Variants in CAMTA1 observed in about 807,000 individuals in gnomAD.
CAMTA1 encodes the protein calmodulin binding transcription activator 1.
Under a neutral mutation model 170.9 loss-of-function variants are expected in CAMTA1, and 27 were observed. The observed-to-expected ratio is 0.16, with a 90% CI of 0.12 to 0.22. CAMTA1 has a LOEUF of 0.22. Ranked by LOEUF, CAMTA1 falls within the 10% of genes least tolerant of loss-of-function variation. The pLI is 1.00. For missense variants in CAMTA1, 1,619 were observed against 2,217.2 expected, an observed-to-expected ratio of 0.73 and a Z score of 5.42; for synonymous variants, 833 against 891.5, an observed-to-expected ratio of 0.93 and a Z score of 1.17.
intron 5 of CAMTA1, among the ~76,000 whole-genome samples, chr1:7,436,737 C>G (rs2092360563): frequency 6.6e-6 from 1 of 152,158 alleles, no homozygotes; most frequent in South Asian, 2.1e-4. Context: ...TAGTTTCTGT[C>G]TCTTATTAAC....
chr1:7,689,585 A>G (rs548355000), intron 11 of CAMTA1, among the ~76,000 whole-genome samples: 7 of 152,318 alleles, frequency 4.6e-5, no homozygotes, highest in African/African-American at 1.2e-4. Flanking sequence ...TCAAAAAAAA[A>G]AGAAAAATCA....
chr1:7,093,018 A>T lies in CAMTA1; in HGVS notation c.302+1647A>T, dbSNP rs146021002. Among the ~76,000 whole-genome samples, 20 of 152,272 alleles carry T rather than the reference A, an allele frequency of 1.3e-4. No individual in the cohort carries two copies. The highest frequency in any genetic ancestry group is 6.8e-3 in the Middle Eastern group (2 of 294). Reference sequence around the variant, plus strand: ...GGCTGGGAAGGACATCCCTCCACAGAGTGGGGGCAGGGGTGGGCGGTGGAG... The same window carrying T: ...GGCTGGGAAGGACATCCCTCCACAGTGTGGGGGCAGGGGTGGGCGGTGGAG... On this transcript the variant is annotated intron_variant, in intron 4 of 22. Coordinates refer to ENST00000303635, the MANE Select transcript of CAMTA1 (RefSeq NM_015215.4). The surrounding 1 kb of genome is among the most constrained non-coding windows in gnomAD (Gnocchi z 4.6).
chr1:7,010,894 C>T lies in CAMTA1; in HGVS notation c.235-80410C>T, dbSNP rs1458268235. Reference sequence around the variant, plus strand: ...CAGGCACCTGGGACCTAAGCAGGTGCCCTAACCAGCAGCAGCTGAGCACTG... The same window carrying T: ...CAGGCACCTGGGACCTAAGCAGGTGTCCTAACCAGCAGCAGCTGAGCACTG... On this transcript the variant is annotated intron_variant, in intron 3 of 22. Transcript: ENST00000303635. This position sits in a 1 kb window ranked among gnomAD's most constrained non-coding sequence, Gnocchi z 4.4. Among the ~76,000 whole-genome samples, 2 of 152,186 alleles carry T rather than the reference C, an allele frequency of 1.3e-5. No homozygotes were observed. Among genetic ancestry groups the T allele is most frequent in the Admixed American group, 6.5e-5 (1 of 15,282 alleles).
intron 3 of CAMTA1, among the ~76,000 whole-genome samples, chr1:7,059,250 C>T (rs1447246820): frequency 6.6e-6 from 1 of 152,150 alleles, no homozygotes; most frequent in African/African-American, 2.4e-5. Context: ...AAGAATGGTT[C>T]ATTAAAATAA....
chr1:7,051,438 C>A (rs1477706600), intron 3 of CAMTA1, among the ~76,000 whole-genome samples: 1 of 152,174 alleles, frequency 6.6e-6, no homozygotes, highest in Non-Finnish European at 1.5e-5. Flanking sequence ...CCTGGAGCTG[C>A]GTGGGGTGGG....
rs569284250 is a variant in CAMTA1 at position 7,228,736 on chromosome 1, G to A, written c.303-20755G>A. ...AGCAGAGCAGGAGGCAGTGGCATTC[G>A]GGATTGGCCCTGAGGAACCAACCAG... is the stretch of plus-strand genomic sequence containing the variant. On this transcript the variant is annotated intron_variant, in intron 4 of 22. Coordinates refer to ENST00000303635, the MANE Select transcript of CAMTA1 (RefSeq NM_015215.4). Among the ~76,000 whole-genome samples the A allele has an allele frequency of 3.3e-5, 5 of 152,314 alleles. No individual in the cohort carries two copies. In the East Asian group the frequency reaches 7.7e-4, roughly 24 times the overall value.
intron 6 of CAMTA1, among the ~76,000 whole-genome samples, chr1:7,545,929 C>T (rs1271935694): frequency 6.8e-6 from 1 of 147,142 alleles, no homozygotes; most frequent in Non-Finnish European, 1.5e-5. Context: ...CAAGTGAAAA[C>T]ATGTGGTGTT....
At chr1:6,982,805 G>A (rs1047040683) in intron 3 of CAMTA1, among the ~76,000 whole-genome samples, 12 of 142,954 alleles carry the variant, frequency 8.4e-5, no homozygotes, top group African/African-American at 2.3e-4. Context: ...GGTGCTGGCC[G>A]TAGAGGGGTG....
At chr1:7,648,789 A>T (rs538248001) in intron 7 of CAMTA1, among the ~76,000 whole-genome samples, 1 of 152,232 alleles carries the variant, frequency 6.6e-6, no homozygotes, top group Non-Finnish European at 1.5e-5. Flanking sequence ...TTCCCCAGAC[A>T]TTCTGACTCC....
intron 5 of CAMTA1, among the ~76,000 whole-genome samples, chr1:7,303,995 C>G (rs1017169963): frequency 6.6e-6 from 1 of 152,146 alleles, no homozygotes; most frequent in Non-Finnish European, 1.5e-5. Context: ...TTCTGCTTCT[C>G]TGAGATCTCA....
rs76333300 is a variant in CAMTA1 at position 7,666,363 on chromosome 1, T to C, written c.2652+1164T>C. ...CTTCTGCAAAATTCCACACAGGTCA[T>C]AGGACGCAGGATTCCAACGTGCACC... On this transcript the variant is annotated intron_variant, in intron 9 of 22. Coordinates refer to ENST00000303635, the MANE Select transcript of CAMTA1 (RefSeq NM_015215.4). Among the ~76,000 whole-genome samples, 781 of 152,188 alleles carry C rather than the reference T, an allele frequency of 5.1e-3. 10 individuals are homozygous for C. Among genetic ancestry groups the C allele is most frequent in the African/African-American group, 0.018 (736 of 41,510 alleles).
At chr1:7,046,706 G>C (rs561406337) in intron 3 of CAMTA1, among the ~76,000 whole-genome samples, 9 of 152,222 alleles carry the variant, frequency 5.9e-5, no homozygotes, top group Admixed American at 5.9e-4. Flanking sequence ...TTAGGGGCAA[G>C]AGTGTGAGTT....
At chr1:7,068,126 T>G (rs1709198222) in intron 3 of CAMTA1, among the ~76,000 whole-genome samples, 1 of 152,180 alleles carries the variant, frequency 6.6e-6, no homozygotes, top group Non-Finnish European at 1.5e-5. Context: ...TAAGGTAATT[T>G]AGGTTGGATT....
At chr1:7,136,236 A>G (rs925231952) in intron 4 of CAMTA1, among the ~76,000 whole-genome samples, 8 of 152,234 alleles carry the variant, frequency 5.3e-5, no homozygotes, top group Non-Finnish European at 7.3e-5. Flanking sequence ...GGGGAATGGA[A>G]CAAATCAGAA....
chr1:7,171,083 G>C (rs1028202929), intron 4 of CAMTA1, among the ~76,000 whole-genome samples: 4 of 152,178 alleles, frequency 2.6e-5, no homozygotes, highest in African/African-American at 9.6e-5. Flanking sequence ...GATTTGTTCA[G>C]TTTCTCCTGG....
intron 3 of CAMTA1, among the ~76,000 whole-genome samples, chr1:6,943,934 A>G (rs995221572): frequency 6.6e-6 from 1 of 152,066 alleles, no homozygotes; most frequent in African/African-American, 2.4e-5. Flanking sequence ...CATTAAGTAC[A>G]TTCACATTGT....
At chr1:7,137,171 T>G (rs79154887) in intron 4 of CAMTA1, among the ~76,000 whole-genome samples, 305 of 152,274 alleles carry the variant, frequency 2.0e-3, no homozygotes, top group Non-Finnish European at 3.8e-3. Context: ...CTTCCCTCCT[T>G]TAATCCATCA....
rs1678102200 is a variant in CAMTA1 at position 7,319,836 on chromosome 1, A to T, written c.438+70210A>T. 1.3e-5 allele frequency among the ~76,000 whole-genome samples: 2 copies of T among 151,534 alleles called. 1 individual carries two copies. The highest frequency in any genetic ancestry group is 2.9e-5 in the Non-Finnish European group (2 of 67,838). ...TGTTAGATTTATTCCCAAAGAGTGGATGTTTTTGATGCTATACTAAATCAT... is the reference window on the plus strand; with the variant it reads ...TGTTAGATTTATTCCCAAAGAGTGGTTGTTTTTGATGCTATACTAAATCAT... On this transcript the variant is annotated intron_variant, in intron 5 of 22. Transcript: ENST00000303635.
chr1:7,688,011 CT>C lies in CAMTA1; in HGVS notation c.2914+10295del, dbSNP rs70987364. On this transcript the variant is annotated intron_variant, in intron 11 of 22. Coordinates refer to ENST00000303635, the MANE Select transcript of CAMTA1 (RefSeq NM_015215.4). ...CGATTACGTCGGACTCTCATTATTC[CT>C]TTTTTTTTTTTTTTTTGGCAGAGTC... Among the ~76,000 whole-genome samples the C allele has an allele frequency of 3.3e-3, 342 of 103,280 alleles. 4 individuals carry two copies. Among genetic ancestry groups the C allele is most frequent in the African/African-American group, 9.1e-3 (245 of 26,942 alleles). The allele number at this position is 103,280 out of a possible 152,430, so 67.8% of individuals were successfully genotyped here.
Sources: allele counts gnomAD v4.1 joint callset (sites outside exome capture counted in the v4.1 genomes callset), GRCh38; gene constraint gnomAD v4.1.1; non-coding constraint Gnocchi (gnomAD v3.1); transcripts MANE v1.5; gene names NCBI Gene and HGNC (gene_info 2026-07-23, HGNC 2026-07-21).